CTNNA2: variants seen among roughly 807,000 people sequenced by gnomAD.
CTNNA2 encodes catenin alpha 2.
A neutral mutation model predicts 101.0 loss-of-function variants in CTNNA2; 42 were observed. The observed-to-expected ratio is 0.42, with a 90% CI of 0.32 to 0.54. The LOEUF (loss-of-function observed/expected upper bound fraction) is 0.54. CTNNA2 is among the 20% of genes least tolerant of loss of function. The pLI is 0.14. For synonymous variants in CTNNA2, 450 were observed against 456.4 expected, an observed-to-expected ratio of 0.99 and a Z score of 0.18; for missense variants, 871 against 1,223.1, an observed-to-expected ratio of 0.71 and a Z score of 4.29.
intron 2 of CTNNA2, among the ~76,000 whole-genome samples, chr2:79,717,651 C>T (rs931253550): frequency 6.6e-6 from 1 of 152,156 alleles, no homozygotes; most frequent in African/African-American, 2.4e-5. Flanking sequence ...AACTGACCAC[C>T]ACTGGTCACA....
intron 7 of CTNNA2, among the ~76,000 whole-genome samples, chr2:80,117,152 G>A (rs1701570430): frequency 1.3e-5 from 2 of 152,098 alleles, no homozygotes; most frequent in Admixed American, 1.3e-4. Flanking sequence ...GTCTGTAGAA[G>A]CTAAAGAAAT....
At chr2:79,373,533 A>G (rs1335232410) in intron 3 of CTNNA2, among the ~76,000 whole-genome samples, 1 of 152,194 alleles carries the variant, frequency 6.6e-6, no homozygotes, top group Non-Finnish European at 1.5e-5. Flanking sequence ...TCAAGCACTC[A>G]GTCAGTGCAG....
At chr2:79,230,218 C>G (rs902337523) in intron 2 of CTNNA2, among the ~76,000 whole-genome samples, 2 of 152,170 alleles carry the variant, frequency 1.3e-5, no homozygotes, top group Non-Finnish European at 2.9e-5. Flanking sequence ...CACCAGGCAG[C>G]CCTTCTCATC....
intron 4 of CTNNA2, 124 bp downstream of exon 4, chr2:79,858,303 T>C (rs1681305014): frequency 3.5e-6 from 2 of 574,654 alleles, no homozygotes; most frequent in Non-Finnish European, 5.6e-6. Flanking sequence ...TACCTACCCA[T>C]GTGGTGCCCA....
chr2:79,612,986 A>G (rs1678380604), intron 1 of CTNNA2, among the ~76,000 whole-genome samples: 1 of 152,100 alleles, frequency 6.6e-6, no homozygotes, highest in African/African-American at 2.4e-5. Flanking sequence ...ACATATTTCT[A>G]TTTATATGCT....
rs145626567 is a variant in CTNNA2 at position 79,817,538 on chromosome 2, A to G, written c.299-40475A>G. On this transcript the variant is annotated intron_variant, in intron 3 of 18. Transcript: ENST00000402739. ...CTAACCACATTGAACCATGTGTTGTATCTCACCCTTTCCCTGTGCTCTGTC... is the reference window on the plus strand; with the variant it reads ...CTAACCACATTGAACCATGTGTTGTGTCTCACCCTTTCCCTGTGCTCTGTC... 4.0e-3 allele frequency among the ~76,000 whole-genome samples: 605 copies of G among 152,030 alleles called. 4 individuals are homozygous for G. Among genetic ancestry groups the G allele is most frequent in the East Asian group, 0.012 (61 of 5,138 alleles).
chr2:79,620,937 A>T (rs754369327), intron 1 of CTNNA2, among the ~76,000 whole-genome samples: 7 of 152,158 alleles, frequency 4.6e-5, no homozygotes, highest in Non-Finnish European at 8.8e-5. Context: ...AGGTCAGTTG[A>T]TCAGCAGTGG....
intron 7 of CTNNA2, among the ~76,000 whole-genome samples, chr2:80,337,644 G>T (rs547420210): frequency 3.9e-5 from 6 of 151,932 alleles, no homozygotes; most frequent in African/African-American, 1.5e-4. Flanking sequence ...TCTCCTGATT[G>T]TACCAAGGAG....
chr2:79,635,572 C>T (rs66919833), intron 1 of CTNNA2, among the ~76,000 whole-genome samples: 44,885 of 149,724 alleles, frequency 0.3, 9,387 homozygotes, highest in African/African-American at 0.6. Context: ...GGTGTGATCT[C>T]GGCTCATTGC....
In CTNNA2 at chr2:79,814,359, G is replaced by A. The variant is rs1469388571; in HGVS notation, c.299-43654G>A. Among the ~76,000 whole-genome samples the A allele has an allele frequency of 2.6e-5, 4 of 152,074 alleles. No individual in the cohort carries two copies. The South Asian group carries it at 8.3e-4, about 32-fold the overall frequency. ...ACCTATCACCCAAGCAATATACACT[G>A]CACCGTATTTGTAGTCTTTTATCCC... On this transcript the variant is annotated intron_variant, in intron 3 of 18. Coordinates refer to ENST00000402739, the MANE Select transcript of CTNNA2 (RefSeq NM_001282597.3).
At chr2:79,944,161 C>A (rs946257852) in intron 7 of CTNNA2, among the ~76,000 whole-genome samples, 10 of 148,156 alleles carry the variant, frequency 6.7e-5, no homozygotes, top group East Asian at 2.1e-4. Flanking sequence ...ACGTGCCATG[C>A]ATTGGGCTAG....
At chr2:79,282,348 C>A (rs1156916498) in intron 2 of CTNNA2, among the ~76,000 whole-genome samples, 1 of 151,940 alleles carries the variant, frequency 6.6e-6, no homozygotes, top group South Asian at 2.1e-4. Context: ...TGCTGGTGCG[C>A]TGCACCCACT....
chr2:79,380,838 T>C (rs1678030179), intron 4 of CTNNA2, among the ~76,000 whole-genome samples: 1 of 152,192 alleles, frequency 6.6e-6, no homozygotes, highest in Non-Finnish European at 1.5e-5. Context: ...ATAACATTGC[T>C]GTAAAGAAAC....
At chr2:79,884,140 T>A (rs1332981483) in intron 6 of CTNNA2, among the ~76,000 whole-genome samples, 2 of 152,212 alleles carry the variant, frequency 1.3e-5, no homozygotes, top group Non-Finnish European at 2.9e-5. Context: ...TCTTGACTTC[T>A]TCTAACATTT....
intron 7 of CTNNA2, among the ~76,000 whole-genome samples, chr2:80,118,361 G>T (rs913063051): frequency 6.6e-6 from 1 of 152,204 alleles, no homozygotes; most frequent in African/African-American, 2.4e-5. Flanking sequence ...TTCCTTGAAA[G>T]AAAGTTTTCC....
chr2:80,627,857 C>A (rs995661500), intron 18 of CTNNA2, among the ~76,000 whole-genome samples: 62 of 151,944 alleles, frequency 4.1e-4, no homozygotes, highest in Non-Finnish European at 7.1e-4. Context: ...ACATTTAAGT[C>A]TTTAGTCCAT....
chr2:80,057,788 A>C (rs189544105), intron 7 of CTNNA2, among the ~76,000 whole-genome samples: 1 of 152,262 alleles, frequency 6.6e-6, no homozygotes, highest in Admixed American at 6.5e-5. Context: ...TAACAAAAAC[A>C]TTTGGATTTC....
intron 2 of CTNNA2, among the ~76,000 whole-genome samples, chr2:79,244,977 C>A (rs1674680961): frequency 6.6e-6 from 1 of 151,994 alleles, no homozygotes; most frequent in South Asian, 2.1e-4. Flanking sequence ...TGCCTATAAT[C>A]CCAGCTACTA....
intron 7 of CTNNA2, among the ~76,000 whole-genome samples, chr2:79,977,807 G>A (rs1366446246): frequency 6.6e-6 from 1 of 151,736 alleles, no homozygotes; most frequent in African/African-American, 2.4e-5. Flanking sequence ...GACTCAATAA[G>A]CCTTGCCAGT....
Sources: allele counts gnomAD v4.1 joint callset (sites outside exome capture counted in the v4.1 genomes callset), GRCh38; gene constraint gnomAD v4.1.1; transcripts MANE v1.5; gene names NCBI Gene and HGNC (gene_info 2026-07-23, HGNC 2026-07-21).